Variants in DNAH5 observed in about 807,000 individuals in gnomAD.
The protein encoded by DNAH5 is axonemal beta dynein heavy chain 5.
In DNAH5, 372 loss-of-function variants were observed where a neutral mutation model predicts 518.2. The ratio of observed to expected loss-of-function variants is 0.72; its 90% CI spans 0.66 to 0.78. The LOEUF (loss-of-function observed/expected upper bound fraction) is 0.78, where lower values mean the gene tolerates loss of function less well. DNAH5 is among the 30% of genes least tolerant of loss of function. DNAH5 has a pLI of 0.00. For synonymous variants in DNAH5, 2,039 were observed against 2,025.9 expected, an observed-to-expected ratio of 1.01 and a Z score of -0.17; for missense variants, 5,523 against 5,687.0, an observed-to-expected ratio of 0.97 and a Z score of 0.93.
At position 13,807,743 on chromosome 5, in the gene DNAH5, GA is replaced by G. The variant is rs369652511; in HGVS notation, c.7753-19del. On this transcript the variant is annotated intron_variant, in intron 46 of 78. Transcript: ENST00000265104. Reference sequence around the variant, plus strand: ...AGCACAGCCTAAAATAGAGGGAATTGAAAAAAAAAGAAATGAAATAAATGAG... The same window carrying G: ...AGCACAGCCTAAAATAGAGGGAATTGAAAAAAAAGAAATGAAATAAATGAG... The G allele has an allele frequency of 1.7e-4, 271 of 1,564,182 alleles. No individual in the cohort carries two copies. Among genetic ancestry groups the G allele is most frequent in the Non-Finnish European group, 2.0e-4 (230 of 1,148,806 alleles).
intron 38 of DNAH5, among the ~76,000 whole-genome samples, chr5:13,826,579 C>T (rs1434992036): frequency 6.6e-6 from 1 of 152,192 alleles, no homozygotes; most frequent in African/African-American, 2.4e-5. Context: ...CCTGACACCA[C>T]ATGAAGAAGA....
intron 1 of DNAH5, among the ~76,000 whole-genome samples, chr5:13,956,245 T>C (rs1323060491): frequency 6.6e-6 from 1 of 152,208 alleles, no homozygotes; most frequent in Non-Finnish European, 1.5e-5. Context: ...TAAATAATAA[T>C]TACATTTTAG....
chr5:13,716,462 G>A (rs777694452), intron 74 of DNAH5, 25 bp downstream of exon 74: 1 of 1,549,394 alleles, frequency 6.5e-7, no homozygotes, highest in Non-Finnish European at 8.9e-7. Context: ...TTTGCTCTAT[G>A]CATAAAATTC....
At chr5:13,955,550 G>A (rs1780709227) in intron 1 of DNAH5, among the ~76,000 whole-genome samples, 1 of 152,146 alleles carries the variant, frequency 6.6e-6, no homozygotes, top group Non-Finnish European at 1.5e-5. Flanking sequence ...GTGATGTAGA[G>A]CAGTAAGAGA....
rs200486203 is a variant in DNAH5 at position 13,891,097 on chromosome 5, C to T, written c.2456G>A (p.Arg819Lys). ...KIKDLELLLD[R>K]VNDLIEFRID... ...GCGGAACTCAATCAAATCATTGACCCTGTCAAGCAGCAACTCCAGGTCCTC... is the reference window on the plus strand; with the variant it reads ...GCGGAACTCAATCAAATCATTGACCTTGTCAAGCAGCAACTCCAGGTCCTC... The change falls in exon 17 of 79, where the codon AGG becomes AAG. Residue 819 changes from arginine (R) to lysine (K), a missense_variant. By Grantham distance (26) the Arg-to-Lys change is conservative. Transcript: ENST00000265104. The T allele has an allele frequency of 1.2e-6, 2 of 1,614,066 alleles. No homozygotes were observed. Among genetic ancestry groups the T allele is most frequent in the South Asian group, 1.1e-5 (1 of 91,074 alleles).
intron 21 of DNAH5, 135 bp from the exon 22 acceptor site, chr5:13,876,952 G>A: frequency 1.1e-6 from 1 of 900,128 alleles, no homozygotes; most frequent in Non-Finnish European, 1.7e-6. Flanking sequence ...TGAAAATAAT[G>A]GAAAGAGTTG....
intron 29 of DNAH5, among the ~76,000 whole-genome samples, chr5:13,862,076 T>G (rs956092108): frequency 6.6e-6 from 1 of 152,178 alleles, no homozygotes; most frequent in Non-Finnish European, 1.5e-5. Flanking sequence ...AAAAGGTTTT[T>G]CGAGTAAAAT....
At chr5:13,856,064 C>A (rs1167451424) in intron 30 of DNAH5, among the ~76,000 whole-genome samples, 2 of 152,150 alleles carry the variant, frequency 1.3e-5, no homozygotes, top group Non-Finnish European at 2.9e-5. Flanking sequence ...AAAATCAACA[C>A]TCTAACATCA....
chr5:13,962,902 G>C (rs1050683792), intron 1 of DNAH5, among the ~76,000 whole-genome samples: 1 of 152,052 alleles, frequency 6.6e-6, no homozygotes, highest in Non-Finnish European at 1.5e-5. Context: ...AAACTGTCCC[G>C]GCAGCTGCTC....
intron 30 of DNAH5, among the ~76,000 whole-genome samples, chr5:13,855,270 G>A (rs534193899): frequency 2.1e-5 from 1 of 47,036 alleles, no homozygotes; most frequent in East Asian, 4.0e-4. Context: ...GTGCAGTGGC[G>A]GGATCTCGGC....
chr5:13,768,312 C>T (rs893708103), intron 58 of DNAH5, among the ~76,000 whole-genome samples: 5 of 152,226 alleles, frequency 3.3e-5, no homozygotes, highest in South Asian at 4.1e-4. Flanking sequence ...ATCTCTCTCC[C>T]GCCATCTTGT....
chr5:13,706,034 C>T (rs1742741432), intron 76 of DNAH5, among the ~76,000 whole-genome samples: 1 of 152,166 alleles, frequency 6.6e-6, no homozygotes, highest in African/African-American at 2.4e-5. Flanking sequence ...GCCACCCAGT[C>T]GGTGGTACTT....
Position 13,882,935 on chromosome 5 carries a change from A to AC in DNAH5, c.3142dup (p.Val1048GlyfsTer7), listed in dbSNP as rs779640127. On this transcript the variant is annotated frameshift_variant, in exon 20 of 79. Transcript: ENST00000265104. LOFTEE classifies it high-confidence loss of function. ...CAACAGTTCACTGCTCCACTGTCTG[A>AC]CCCCCTTAGGGACACTGATGATGCA... 22 of 1,613,892 alleles carry AC rather than the reference A, an allele frequency of 1.4e-5. No homozygotes were observed. Among genetic ancestry groups the AC allele is most frequent in the Non-Finnish European group, 1.9e-5 (22 of 1,179,962 alleles).
At chr5:13,840,259 G>C (rs886439830) in intron 34 of DNAH5, among the ~76,000 whole-genome samples, 1 of 152,100 alleles carries the variant, frequency 6.6e-6, no homozygotes, top group East Asian at 1.9e-4. Context: ...TACATAATGG[G>C]ATGAGACAAA....
At chr5:14,000,878 G>C (rs1156545174) in intron 1 of DNAH5, among the ~76,000 whole-genome samples, 1 of 152,096 alleles carries the variant, frequency 6.6e-6, no homozygotes, top group East Asian at 1.9e-4. Flanking sequence ...CAATAGCAAA[G>C]ACATGGAATC....
At chr5:13,759,123 A>G in intron 60 of DNAH5, 140 bp from the exon 61 acceptor site, 1 of 1,143,558 alleles carries the variant, frequency 8.7e-7, no homozygotes, top group African/African-American at 1.5e-5. Context: ...AAATCACATT[A>G]AGTCCTGAAC....
At chr5:13,894,861 A>C in intron 15 of DNAH5, 40 bp from the exon 16 acceptor site, 35 of 1,595,410 alleles carry the variant, frequency 2.2e-5, no homozygotes, top group Non-Finnish European at 2.7e-5. Context: ...TTAATATCTC[A>C]CTTCTAATGT....
At chr5:13,885,323 T>C (rs1407959855) in intron 18 of DNAH5, 95 bp from the exon 19 acceptor site, 1 of 1,433,118 alleles carries the variant, frequency 7.0e-7, no homozygotes, top group Non-Finnish European at 9.7e-7. Flanking sequence ...AATCATCTGT[T>C]GCAATTAAAG....
At chr5:13,993,282 A>G (rs1436752395) in intron 1 of DNAH5, among the ~76,000 whole-genome samples, 2 of 152,222 alleles carry the variant, frequency 1.3e-5, no homozygotes, top group Non-Finnish European at 2.9e-5. Flanking sequence ...AAGGAGTTAA[A>G]TACTCTGAGT....
Sources: gnomAD v4.1 joint callset for allele counts (sites outside exome capture counted in the v4.1 genomes callset) on GRCh38, gnomAD v4.1.1 for gene constraint, MANE v1.5 for transcripts, NCBI Gene and HGNC (gene_info 2026-07-23, HGNC 2026-07-21) for gene names.